Variants in UBXN2A observed in about 807,000 individuals in gnomAD.
The protein encoded by UBXN2A is UBX domain protein 2A.
UBXN2A carries 28 observed loss-of-function variants against 28.4 expected under a neutral mutation model. The ratio of observed to expected loss-of-function variants is 0.99; its 90% CI spans 0.73 to 1.35. UBXN2A has a LOEUF of 1.35. Among genes scored for constraint, UBXN2A ranks in the 40% most tolerant of loss-of-function variants. The probability of loss-of-function intolerance (pLI) is 0.00; values close to 1 mark genes in which losing one functional copy is unlikely to be tolerated. For synonymous variants in UBXN2A, 97 were observed against 103.6 expected (o/e 0.94, Z 0.39); for missense variants, 253 against 297.9 (o/e 0.85, Z 1.11).
chr2:23,929,399 C>A (rs1705302091), intron 1 of UBXN2A, among the ~76,000 whole-genome samples: 1 of 147,970 alleles, frequency 6.8e-6, no homozygotes, highest in South Asian at 2.1e-4. Flanking sequence ...AACACCCTGT[C>A]TCAAAAAAAT....
chr2:23,932,881 G>C (rs1280236245), intron 1 of UBXN2A, among the ~76,000 whole-genome samples: 1 of 152,218 alleles, frequency 6.6e-6, no homozygotes, highest in East Asian at 1.9e-4. Flanking sequence ...GAGGCAGGTG[G>C]ATCACAAGAT....
intron 2 of UBXN2A, among the ~76,000 whole-genome samples, chr2:23,963,288 G>A (rs867332585): frequency 2.0e-5 from 3 of 151,872 alleles, no homozygotes; most frequent in Non-Finnish European, 2.9e-5. Context: ...AGGCTGAGGC[G>A]GGCGGATCAC....
Position 24,003,162 on chromosome 2 carries a change from T to G in UBXN2A, c.*3295T>G. 1 of 152,210 alleles carries G rather than the reference T, an allele frequency of 6.6e-6. No homozygotes were observed. The highest frequency in any genetic ancestry group is 1.9e-4 in the East Asian group (1 of 5,202). 9.4% of individuals were successfully genotyped at this position (152,210 alleles called of 1,614,324 possible). On this transcript the variant is annotated 3_prime_UTR_variant, in exon 7 of 7. Coordinates refer to ENST00000309033, the MANE Select transcript of UBXN2A (RefSeq NM_181713.4). ...TGCATTTTTAATCTCACGTGATTCT[T>G]AAGTATGTGGTGGAAGTACCTTTCT... is the stretch of plus-strand genomic sequence containing the variant.
intron 6 of UBXN2A, among the ~76,000 whole-genome samples, chr2:23,996,135 C>T (rs1388928574): frequency 1.3e-5 from 2 of 150,104 alleles, no homozygotes; most frequent in Non-Finnish European, 2.9e-5. Context: ...GGCATGATCT[C>T]GGCTCACTGC....
chr2:23,976,640 C>T (rs1051614229), intron 3 of UBXN2A, among the ~76,000 whole-genome samples: 7 of 152,124 alleles, frequency 4.6e-5, no homozygotes, highest in Non-Finnish European at 1.0e-4. Context: ...AACACGGGCC[C>T]CCGTGATTCA....
intron 6 of UBXN2A, among the ~76,000 whole-genome samples, chr2:23,990,488 T>C (rs1422374476): frequency 8.2e-6 from 1 of 121,508 alleles, no homozygotes; most frequent in Non-Finnish European, 1.6e-5. Flanking sequence ...TATTTGCAGC[T>C]GGGCGTGGTG....
chr2:23,986,090 C>G (rs984000258), intron 6 of UBXN2A, among the ~76,000 whole-genome samples: 1 of 151,992 alleles, frequency 6.6e-6, no homozygotes, highest in Admixed American at 6.6e-5. Flanking sequence ...GGGTGGATCA[C>G]GAGGTCAGGA....
At chr2:23,946,294 C>CA (rs968481024) in intron 1 of UBXN2A, among the ~76,000 whole-genome samples, 1 of 151,458 alleles carries the variant, frequency 6.6e-6, no homozygotes, top group Non-Finnish European at 1.5e-5. Flanking sequence ...CTTGGGACTA[C>CA]AGGCGTGTGC....
intron 2 of UBXN2A, among the ~76,000 whole-genome samples, chr2:23,960,234 C>T (rs760832167): frequency 6.6e-6 from 1 of 151,664 alleles, no homozygotes; most frequent in African/African-American, 2.4e-5. Flanking sequence ...CCAGCCTGGG[C>T]GACAGAGTGA....
At chr2:23,927,524 C>G (rs1422217746) in exon 1 of UBXN2A, 1 of 151,718 alleles carries the variant, frequency 6.6e-6, no homozygotes, top group African/African-American at 2.4e-5. Context: ...CGAGGCAAGA[C>G]ACTGAACTTG....
At chr2:23,976,922 A>G (rs1424252180) in intron 3 of UBXN2A, 47 bp from the exon 4 acceptor site, 1 of 1,496,602 alleles carries the variant, frequency 6.7e-7, no homozygotes, top group East Asian at 2.3e-5. Context: ...TTTCAATCCT[A>G]CTACATTTTA....
intron 5 of UBXN2A, 141 bp downstream of exon 5, chr2:23,983,174 T>G (rs1362366444): frequency 2.0e-5 from 21 of 1,029,542 alleles, no homozygotes; most frequent in Middle Eastern, 2.8e-4. Context: ...ATGTTAATTT[T>G]TATGAGGACA....
intron 6 of UBXN2A, among the ~76,000 whole-genome samples, chr2:23,988,820 C>T (rs1216119596): frequency 6.6e-6 from 1 of 152,146 alleles, no homozygotes; most frequent in Admixed American, 6.6e-5. Context: ...TGAACTCTTA[C>T]CATCATTATT....
chr2:23,979,880 A>C (rs986114020), intron 4 of UBXN2A, among the ~76,000 whole-genome samples: 1 of 152,078 alleles, frequency 6.6e-6, no homozygotes, highest in Non-Finnish European at 1.5e-5. Context: ...CAAGTATTTT[A>C]AATTTTACCA....
In UBXN2A at chr2:23,954,931, CTTT is replaced by C. The variant is rs35139100; in HGVS notation, c.-14-3352_-14-3350del. Among the ~76,000 whole-genome samples the C allele has an allele frequency of 1.3e-4, 16 of 120,804 alleles. No homozygotes were observed. In the East Asian group the frequency reaches 1.8e-3, roughly 14 times the overall value. 79.3% of individuals were successfully genotyped at this position (120,804 alleles called of 152,430 possible). A position where few individuals can be genotyped will look rare whatever the true frequency, so the allele number is the denominator to read the frequency against. ...GTGCCACTGTGCCCAGCTTGCCTAC[CTTT>C]TTTTTTTTTTTTTTTTTGAAACAGA... On this transcript the variant is annotated intron_variant, in intron 1 of 6. Transcript: ENST00000309033.
chr2:23,957,097 A>G (rs982055539), intron 1 of UBXN2A, among the ~76,000 whole-genome samples: 3 of 151,904 alleles, frequency 2.0e-5, no homozygotes, highest in African/African-American at 7.3e-5. Context: ...TTTTTGTTGT[A>G]TTGTTTTTCT....
chr2:23,987,147 A>G (rs997482851), intron 6 of UBXN2A, among the ~76,000 whole-genome samples: 1 of 152,128 alleles, frequency 6.6e-6, no homozygotes, highest in Non-Finnish European at 1.5e-5. Context: ...AACATGTCAT[A>G]TATAGCATAT....
At chr2:23,951,413 GATATATATAT>G (rs57701448) in intron 1 of UBXN2A, among the ~76,000 whole-genome samples, 16,056 of 109,778 alleles carry the variant, frequency 0.15, 1,430 homozygotes, top group Middle Eastern at 0.29. Context: ...CAGTAAGATG[GATATATATAT>G]ATATATATAT....
intron 2 of UBXN2A, among the ~76,000 whole-genome samples, chr2:23,964,126 T>A (rs1437138142): frequency 1.6e-5 from 2 of 127,468 alleles, no homozygotes; most frequent in Non-Finnish European, 3.3e-5. Context: ...CAGAGCCAGA[T>A]CCTGTCTCAA....
Sources: allele counts gnomAD v4.1 joint callset (sites outside exome capture counted in the v4.1 genomes callset), GRCh38; gene constraint gnomAD v4.1.1; transcripts MANE v1.5; gene names NCBI Gene and HGNC (gene_info 2026-07-23, HGNC 2026-07-21).